WASF3: variants seen among roughly 807,000 people sequenced by gnomAD.
WASF3 encodes WASP family member 3, also known as actin-binding protein WASF3.
A neutral mutation model predicts 46.6 loss-of-function variants in WASF3; 11 were observed. The observed-to-expected ratio is 0.24, with a 90% CI of 0.15 to 0.39. WASF3 has a LOEUF of 0.39. WASF3 is among the 10% of genes least tolerant of loss of function. The pLI, the probability that WASF3 is intolerant of heterozygous loss-of-function variation, is 1.00. For missense variants in WASF3, 576 were observed against 669.8 expected, an observed-to-expected ratio of 0.86 and a Z score of 1.55; for synonymous variants, 242 against 259.7, an observed-to-expected ratio of 0.93 and a Z score of 0.65.
At chr13:26,558,736 G>C (rs187664688) in intron 1 of WASF3, among the ~76,000 whole-genome samples, 295 of 152,176 alleles carry the variant, frequency 1.9e-3, no homozygotes, top group African/African-American at 6.0e-3. Context: ...TTAAATTAGC[G>C]GTTTACTTCC....
chr13:26,653,818 A>G (rs1882388665), intron 3 of WASF3, among the ~76,000 whole-genome samples: 1 of 152,182 alleles, frequency 6.6e-6, no homozygotes, highest in African/African-American at 2.4e-5. Context: ...CTTATATACA[A>G]CTGTACAACT....
intron 1 of WASF3, among the ~76,000 whole-genome samples, chr13:26,589,093 C>T (rs891343816): frequency 6.6e-5 from 10 of 152,246 alleles, no homozygotes; most frequent in South Asian, 2.1e-4. Context: ...TGTGCCTGGC[C>T]CTGTATTTCT....
intron 1 of WASF3, among the ~76,000 whole-genome samples, chr13:26,564,462 G>A (rs909912529): frequency 6.6e-6 from 1 of 152,214 alleles, no homozygotes; most frequent in Non-Finnish European, 1.5e-5. Flanking sequence ...TTGTTTTCTA[G>A]CAGTTGAAAG....
At chr13:26,569,654 A>G (rs909035576) in intron 1 of WASF3, among the ~76,000 whole-genome samples, 1 of 152,192 alleles carries the variant, frequency 6.6e-6, no homozygotes, top group African/African-American at 2.4e-5. Context: ...CAATTTTAAG[A>G]AGTTAGAAAG....
chr13:26,616,942 C>T (rs1566052213), intron 2 of WASF3, among the ~76,000 whole-genome samples: 7 of 152,188 alleles, frequency 4.6e-5, no homozygotes, highest in Admixed American at 3.9e-4. Flanking sequence ...GATGAAAATG[C>T]TGGCGACAAT....
At chr13:26,567,780 T>C (rs1879513232) in intron 1 of WASF3, among the ~76,000 whole-genome samples, 1 of 152,094 alleles carries the variant, frequency 6.6e-6, no homozygotes, top group South Asian at 2.1e-4. Flanking sequence ...ACAGCCTATG[T>C]GTATGTGTGT....
intron 1 of WASF3, among the ~76,000 whole-genome samples, chr13:26,611,838 T>C (rs1277221302): frequency 4.0e-5 from 6 of 149,964 alleles, no homozygotes; most frequent in African/African-American, 2.4e-5. Flanking sequence ...ATCATTCTAT[T>C]TTTTTTTTTT....
intron 3 of WASF3, among the ~76,000 whole-genome samples, chr13:26,661,045 C>G (rs964682339): frequency 6.6e-6 from 1 of 152,214 alleles, no homozygotes; most frequent in African/African-American, 2.4e-5. Context: ...CTCGCTCACC[C>G]AGGGAGGGCA....
intron 1 of WASF3, among the ~76,000 whole-genome samples, chr13:26,588,462 A>G (rs1880192946): frequency 6.6e-6 from 1 of 152,344 alleles, no homozygotes; most frequent in African/African-American, 2.4e-5. Context: ...GTCCCCATTC[A>G]GTCAGCTGTG....
At chr13:26,573,149 A>G (rs1026588265) in intron 1 of WASF3, among the ~76,000 whole-genome samples, 6 of 152,120 alleles carry the variant, frequency 3.9e-5, no homozygotes, top group South Asian at 2.1e-4. Flanking sequence ...CAGTTCTTCT[A>G]TGGAATTTAG....
chr13:26,541,288 GAAAGGCGGAACTTAAGACTGCACTGA>G, the WASF3 span, among the ~76,000 whole-genome samples: 5 of 152,136 alleles, frequency 3.3e-5, no homozygotes. Flanking sequence ...CGAGGGCAGG[GAAAGGCGGAACTTAAGACTGCACTGA>G]AAACAGCTTG....
intron 5 of WASF3, 129 bp from the exon 6 acceptor site, chr13:26,671,743 G>A: frequency 3.4e-6 from 2 of 595,716 alleles, no homozygotes; most frequent in Middle Eastern, 3.0e-4. Context: ...GACTTAATAT[G>A]TGTAGGAGAG....
At position 26,682,995 on chromosome 13, in the gene WASF3, C is replaced by T. The variant is rs552448510; in HGVS notation, c.1351+21C>T. ...AATGGGTAAGTGGAGCCCCCAGACA[C>T]ACAGCCTGCCTTTCAGCAAGAGGTT... On this transcript the variant is annotated intron_variant, in intron 9 of 9. Coordinates refer to ENST00000335327, the MANE Select transcript of WASF3 (RefSeq NM_006646.6). This position sits in a 1 kb window ranked among gnomAD's most constrained non-coding sequence, Gnocchi z 4.4. 1.3e-6 allele frequency: 2 copies of T among 1,583,536 alleles called. No homozygotes were observed. Among genetic ancestry groups the T allele is most frequent in the East Asian group, 2.2e-5 (1 of 44,736 alleles).
chr13:26,640,425 A>G (rs1881961759), intron 2 of WASF3: 1 of 148,550 alleles, frequency 6.7e-6, no homozygotes, highest in Non-Finnish European at 1.5e-5. Flanking sequence ...TTTTTTTAAG[A>G]CAGTCTCACT....
chr13:26,579,229 T>C (rs1457858116), intron 1 of WASF3, among the ~76,000 whole-genome samples: 1 of 151,880 alleles, frequency 6.6e-6, no homozygotes, highest in Admixed American at 6.6e-5. Context: ...CTTGAACCCC[T>C]GGCTTCAAGT....
chr13:26,547,931 T>C, the WASF3 span, among the ~76,000 whole-genome samples: 3 of 152,348 alleles, frequency 2.0e-5, no homozygotes, highest in South Asian at 6.2e-4. Flanking sequence ...AGATTTTGAC[T>C]GAGTCATCTA....
Position 26,686,494 on chromosome 13 carries a change from T to A in WASF3, c.*649T>A, listed in dbSNP as rs1883409537. 6.6e-6 allele frequency: 1 copy of A among 152,244 alleles called. No homozygotes were observed. The highest frequency in any genetic ancestry group is 1.5e-5 in the Non-Finnish European group (1 of 68,062). 9.4% of individuals were successfully genotyped at this position (152,244 alleles called of 1,614,324 possible). ...GGCCCTTTTCAGGCTGGGTTCCCTG[T>A]GGGCATTTGCTTAGTAAATGCCTGT... is the stretch of plus-strand genomic sequence containing the variant. On this transcript the variant is annotated 3_prime_UTR_variant, in exon 10 of 10. Coordinates refer to ENST00000335327, the MANE Select transcript of WASF3 (RefSeq NM_006646.6).
intron 1 of WASF3, among the ~76,000 whole-genome samples, chr13:26,598,520 C>G (rs1375582296): frequency 6.6e-6 from 1 of 152,144 alleles, no homozygotes; most frequent in Non-Finnish European, 1.5e-5. Context: ...GAATATCTAT[C>G]CCGGCAAAAG....
Position 26,685,994 on chromosome 13 carries a change from C to G in WASF3, c.*149C>G. On this transcript the variant is annotated 3_prime_UTR_variant, in exon 10 of 10. Coordinates refer to ENST00000335327, the MANE Select transcript of WASF3 (RefSeq NM_006646.6). ...TTCTGCACATCCAAAAATTCTGGGT[C>G]TTTTCAGTATTTACTGTGTAATACT... is the stretch of plus-strand genomic sequence containing the variant. 1 of 1,098,878 alleles carries G rather than the reference C, an allele frequency of 9.1e-7. No individual in the cohort carries two copies. Among genetic ancestry groups the G allele is most frequent in the African/African-American group, 1.6e-5 (1 of 63,468 alleles). The allele number at this position is 1,098,878 out of a possible 1,614,324, so 68.1% of individuals were successfully genotyped here.
Sources: allele counts gnomAD v4.1 joint callset (sites outside exome capture counted in the v4.1 genomes callset), GRCh38; gene constraint gnomAD v4.1.1; non-coding constraint Gnocchi (gnomAD v3.1); transcripts MANE v1.5; gene names NCBI Gene and HGNC (gene_info 2026-07-23, HGNC 2026-07-21).